Variants in TNFRSF19 observed in about 807,000 individuals in gnomAD.
The protein encoded by TNFRSF19 is TNF receptor superfamily member 19, also known as tumor necrosis factor receptor superfamily member 19.
A neutral mutation model predicts 46.4 loss-of-function variants in TNFRSF19; 27 were observed. The ratio of observed to expected loss-of-function variants is 0.58; its 90% CI spans 0.43 to 0.80. The LOEUF is 0.80. Among genes scored for constraint, TNFRSF19 ranks in the 30% least tolerant of loss-of-function variants. The pLI is 0.00. For missense variants in TNFRSF19, 511 were observed against 530.8 expected (o/e 0.96, Z 0.37); for synonymous variants, 204 against 205.0 (o/e 1.00, Z 0.04).
At position 23,659,202 on chromosome 13, in the gene TNFRSF19, A is replaced by G. The variant is rs1884179905; in HGVS notation, c.598A>G (p.Lys200Glu). The G allele has an allele frequency of 1.2e-6, 2 of 1,608,536 alleles. No homozygotes were observed. The highest frequency in any genetic ancestry group is 1.7e-6 in the Non-Finnish European group (2 of 1,175,980). Residue 200 changes from lysine to glutamate, a missense_variant, in exon 6 of 10, where the codon AAG becomes GAG. This residue lies in a region of TNFRSF19 where 376 missense variants were observed against 372.7 expected (regional missense o/e 1.01). Transcript: ENST00000248484. The surrounding 1 kb of genome is among the most constrained non-coding windows in gnomAD (Gnocchi z 4.9). The part of the protein sequence containing the change: ...VIYCKRQFME[K>E]KPSWSLRSQD... ...CTATTGTAAGAGACAGTTTATGGAGAAGAAACCCAGCTGTAAGTTTTGAGC... is the reference window on the plus strand; with the variant it reads ...CTATTGTAAGAGACAGTTTATGGAGGAGAAACCCAGCTGTAAGTTTTGAGC...
At chr13:23,640,541 G>A (rs1882976454) in intron 5 of TNFRSF19, among the ~76,000 whole-genome samples, 1 of 152,184 alleles carries the variant, frequency 6.6e-6, no homozygotes. Flanking sequence ...TAAATGCTAG[G>A]CTGGGCCAGG....
intron 5 of TNFRSF19, among the ~76,000 whole-genome samples, chr13:23,645,109 A>G (rs1393296610): frequency 6.6e-6 from 1 of 152,240 alleles, no homozygotes; most frequent in Non-Finnish European, 1.5e-5. Flanking sequence ...TACAATGGGC[A>G]GGGTCATTAA....
intron 1 of TNFRSF19, among the ~76,000 whole-genome samples, chr13:23,573,581 CA>C (rs1028637912): frequency 1.4e-4 from 22 of 151,998 alleles, no homozygotes; most frequent in Non-Finnish European, 3.2e-4. Context: ...CAGTGGCATC[CA>C]AAAACAGTTT....
At chr13:23,624,983 C>A (rs1270273262) in intron 4 of TNFRSF19, among the ~76,000 whole-genome samples, 1 of 152,018 alleles carries the variant, frequency 6.6e-6, no homozygotes, top group Non-Finnish European at 1.5e-5. Context: ...AACTCCCGAC[C>A]TCAGGTGATC....
rs1052957818 is a variant in TNFRSF19 at position 23,659,834 on chromosome 13, A to G, written c.611-531A>G. On this transcript the variant is annotated intron_variant, in intron 6 of 9. Transcript: ENST00000248484. This position sits in a 1 kb window ranked among gnomAD's most constrained non-coding sequence, Gnocchi z 4.9. ...TATGTATTATGCCCTGTATTCTTAC[A>G]TTAAAGTAAGCTAGAGAAAAGAAAA... 5.9e-5 allele frequency among the ~76,000 whole-genome samples: 9 copies of G among 152,160 alleles called. No individual in the cohort carries two copies. Among genetic ancestry groups the G allele is most frequent in the African/African-American group, 2.2e-4 (9 of 41,442 alleles).
chr13:23,651,840 C>CTTT (rs71070609), intron 5 of TNFRSF19, among the ~76,000 whole-genome samples: 8,373 of 35,908 alleles, frequency 0.23, 1,808 homozygotes, highest in Non-Finnish European at 0.3. Context: ...ACACTATAGT[C>CTTT]TTTTTTTTTT....
chr13:23,638,728 C>G (rs1480921422), intron 5 of TNFRSF19, among the ~76,000 whole-genome samples: 1 of 152,150 alleles, frequency 6.6e-6, no homozygotes. Flanking sequence ...GCTTCAGGAT[C>G]CCTCTTACTG....
chr13:23,613,232 G>A (rs1881025517), intron 3 of TNFRSF19, among the ~76,000 whole-genome samples: 1 of 152,168 alleles, frequency 6.6e-6, no homozygotes, highest in South Asian at 2.1e-4. Context: ...TAGGAAATGT[G>A]CACTCCGTGC....
At position 23,579,163 on chromosome 13, in the gene TNFRSF19, C is replaced by T. The variant is rs180794424; in HGVS notation, c.-35+8315C>T. Among the ~76,000 whole-genome samples, 348 of 152,372 alleles carry T rather than the reference C, an allele frequency of 2.3e-3. 1 individual carries two copies. The highest frequency in any genetic ancestry group is 8.2e-3 in the African/African-American group (341 of 41,596). On this transcript the variant is annotated intron_variant, in intron 1 of 9. Coordinates refer to ENST00000248484, the MANE Select transcript of TNFRSF19 (RefSeq NM_148957.4). ...CCCCAAGCCCCCAGTCAGCCTCACA[C>T]TCATCCGCTTCAGTAGCCGCGGAGT...
chr13:23,590,898 A>G (rs947314766), intron 2 of TNFRSF19, among the ~76,000 whole-genome samples: 2 of 152,228 alleles, frequency 1.3e-5, no homozygotes, highest in Non-Finnish European at 2.9e-5. Flanking sequence ...CATAAATTCT[A>G]ATTTGGAGCC....
chr13:23,593,167 T>C (rs1879439023), intron 2 of TNFRSF19, among the ~76,000 whole-genome samples, 178 bp from the exon 3 acceptor site: 1 of 152,180 alleles, frequency 6.6e-6, no homozygotes, highest in Admixed American at 6.5e-5. Context: ...ATTGATTTAG[T>C]TGTTCCACTG....
At chr13:23,655,321 A>G (rs1883911859) in intron 5 of TNFRSF19, among the ~76,000 whole-genome samples, 1 of 152,234 alleles carries the variant, frequency 6.6e-6, no homozygotes, top group Non-Finnish European at 1.5e-5. Context: ...TTTAAGCTGA[A>G]AGAAAACAAT....
At chr13:23,624,736 C>T (rs1881877871) in intron 4 of TNFRSF19, among the ~76,000 whole-genome samples, 1 of 151,662 alleles carries the variant, frequency 6.6e-6, no homozygotes, top group African/African-American at 2.4e-5. Context: ...TTTTTCATTG[C>T]AAATATATAC....
chr13:23,608,684 G>A (rs1325530008), intron 3 of TNFRSF19, among the ~76,000 whole-genome samples: 2 of 152,178 alleles, frequency 1.3e-5, no homozygotes, highest in East Asian at 1.9e-4. Flanking sequence ...AACACTTACA[G>A]AATTTTATTT....
intron 1 of TNFRSF19, chr13:23,585,366 T>C (rs1878748174): frequency 2.6e-5 from 4 of 152,210 alleles, no homozygotes; most frequent in Admixed American, 2.6e-4. Context: ...GTTTTCGTCA[T>C]TTACACCATC....
intron 9 of TNFRSF19, among the ~76,000 whole-genome samples, chr13:23,670,166 T>C (rs1413544549): frequency 2.0e-5 from 3 of 152,228 alleles, no homozygotes; most frequent in Non-Finnish European, 2.9e-5. Context: ...AGTTACATAC[T>C]GATCTAAGTC....
At chr13:23,590,360 A>G (rs1021184214) in intron 2 of TNFRSF19, 108 bp downstream of exon 2, 5 of 665,564 alleles carry the variant, frequency 7.5e-6, no homozygotes, top group Non-Finnish European at 1.2e-5. Flanking sequence ...TTTGAGACAG[A>G]GTCTTGCTCT....
At chr13:23,621,107 A>G (rs1175756541) in intron 4 of TNFRSF19, among the ~76,000 whole-genome samples, 1 of 152,108 alleles carries the variant, frequency 6.6e-6, no homozygotes, top group African/African-American at 2.4e-5. Context: ...TGGGAATCAC[A>G]GGGACTGCCT....
intron 1 of TNFRSF19, among the ~76,000 whole-genome samples, chr13:23,573,149 A>G (rs946132444): frequency 6.6e-6 from 1 of 152,228 alleles, no homozygotes; most frequent in African/African-American, 2.4e-5. Context: ...TTCTAGTCCA[A>G]TGTTCTTTCC....
Sources: allele counts gnomAD v4.1 joint callset (sites outside exome capture counted in the v4.1 genomes callset), GRCh38; gene constraint gnomAD v4.1.1; regional missense constraint gnomAD v4.1.1; non-coding constraint Gnocchi (gnomAD v3.1); transcripts MANE v1.5; gene names NCBI Gene and HGNC (gene_info 2026-07-23, HGNC 2026-07-21).